Variants in CTSS observed in about 807,000 individuals in gnomAD.
The protein encoded by CTSS is cathepsin S.
CTSS carries 15 observed loss-of-function variants against 39.9 expected under a neutral mutation model. That is an observed-to-expected ratio of 0.38 (90% CI 0.25 to 0.58). The LOEUF (loss-of-function observed/expected upper bound fraction) is 0.58, where lower values mean the gene tolerates loss of function less well. Among genes scored for constraint, CTSS ranks in the 20% least tolerant of loss-of-function variants. CTSS has a pLI of 0.70. For missense variants in CTSS, 250 were observed against 398.2 expected (o/e 0.63, Z 3.17); for synonymous variants, 126 against 138.2 (o/e 0.91, Z 0.62).
chr1:150,759,414 C>T (rs927627319), intron 2 of CTSS, among the ~76,000 whole-genome samples: 5 of 151,988 alleles, frequency 3.3e-5, no homozygotes, highest in African/African-American at 4.8e-5. Flanking sequence ...CTCTTACTTG[C>T]GTTTTCATAT....
chr1:150,745,799 A>G (rs183284584), intron 7 of CTSS, among the ~76,000 whole-genome samples: 1 of 152,310 alleles, frequency 6.6e-6, no homozygotes, highest in African/African-American at 2.4e-5. Flanking sequence ...AACTTTCAGA[A>G]GCTAGGGGAG....
At position 150,758,849 on chromosome 1, in the gene CTSS, AT is replaced by A. The variant is rs35292598; in HGVS notation, c.127-870del. 3.7e-3 allele frequency among the ~76,000 whole-genome samples: 477 copies of A among 127,406 alleles called. 1 individual carries two copies. Among genetic ancestry groups the A allele is most frequent in the African/African-American group, 7.9e-3 (275 of 34,688 alleles). The allele number at this position is 127,406 out of a possible 152,430, so 83.6% of individuals were successfully genotyped here. The stretch of plus-strand genomic sequence containing the variant: ...ATTGGTGTAAGCCACCGCGCCCAGC[AT>A]TTTTTTTTTTTTTTTTTAGACAGGG... On this transcript the variant is annotated intron_variant, in intron 2 of 7. Transcript: ENST00000368985.
intron 2 of CTSS, among the ~76,000 whole-genome samples, chr1:150,758,849 A>ATT (rs35292598): frequency 3.1e-5 from 4 of 127,432 alleles, no homozygotes; most frequent in South Asian, 2.5e-4. Flanking sequence ...CGCGCCCAGC[A>ATT]TTTTTTTTTT....
At chr1:150,736,628 A>G (rs1056755346) in intron 7 of CTSS, among the ~76,000 whole-genome samples, 1 of 152,226 alleles carries the variant, frequency 6.6e-6, no homozygotes, top group Non-Finnish European at 1.5e-5. Flanking sequence ...CAGTGAGACC[A>G]AGGAATCCCA....
intron 7 of CTSS, 76 bp downstream of exon 7, chr1:150,747,701 T>C: frequency 1.1e-6 from 1 of 930,316 alleles, no homozygotes; most frequent in Non-Finnish European, 1.7e-6. Flanking sequence ...ATGATCATCA[T>C]CAAAATCATG....
intron 7 of CTSS, among the ~76,000 whole-genome samples, chr1:150,739,273 C>CA (rs1348389609): frequency 1.3e-5 from 2 of 152,176 alleles, no homozygotes; most frequent in African/African-American, 4.8e-5. Flanking sequence ...TCTCATTTTA[C>CA]ATCAAAGCTA....
At chr1:150,759,162 C>T (rs587729209) in intron 2 of CTSS, among the ~76,000 whole-genome samples, 165 of 151,786 alleles carry the variant, frequency 1.1e-3, no homozygotes, top group African/African-American at 3.7e-3. Flanking sequence ...GAACCATACA[C>T]CCAGCCATGA....
At chr1:150,735,479 C>T (rs796733805) in intron 7 of CTSS, among the ~76,000 whole-genome samples, 2 of 152,290 alleles carry the variant, frequency 1.3e-5, no homozygotes, top group Middle Eastern at 3.4e-3. Flanking sequence ...CTTCCTTTCA[C>T]TTAATTGCCA....
intron 3 of CTSS, among the ~76,000 whole-genome samples, chr1:150,755,465 C>A (rs587751249): frequency 6.6e-6 from 1 of 152,222 alleles, no homozygotes; most frequent in African/African-American, 2.4e-5. Flanking sequence ...GGGAGCTGGG[C>A]ATGGTGGCTC....
At chr1:150,756,708 C>CTTTTTTTTTTTTTTTTTT (rs72242218) in intron 3 of CTSS, among the ~76,000 whole-genome samples, 9 of 131,182 alleles carry the variant, frequency 6.9e-5, no homozygotes, top group South Asian at 2.5e-4. Flanking sequence ...TTCTTTCTTT[C>CTTTTTTTTTTTTTTTTTT]TTTTTTTTTT....
intron 7 of CTSS, 50 bp downstream of exon 7, chr1:150,747,727 A>T: frequency 1.8e-6 from 2 of 1,124,886 alleles, no homozygotes; most frequent in Non-Finnish European, 2.7e-6. Context: ...ATTTGCTGAA[A>T]CTCCCTCAAA....
rs1246774643 is a variant in CTSS at position 150,747,877 on chromosome 1, C to A, written c.796G>T (p.Val266Phe). ...HPSFFLYRSG[V>F]YYEPSCTQNV... Reference sequence around the variant, plus strand: ...TGAGTACAGGATGGTTCATAGTAGACACCTGAGAATCAAATATGGGTGGGA... The same window carrying A: ...TGAGTACAGGATGGTTCATAGTAGAAACCTGAGAATCAAATATGGGTGGGA... The change falls in exon 7 of 8, where the codon GTC (valine) becomes TTC (phenylalanine). Residue 266 changes from valine to phenylalanine, a missense_variant and splice_region_variant. Transcript: ENST00000368985. 6.2e-7 allele frequency: 1 copy of A among 1,601,538 alleles called. No individual in the cohort carries two copies. The highest frequency in any genetic ancestry group is 1.3e-5 in the African/African-American group (1 of 74,602).
intron 7 of CTSS, among the ~76,000 whole-genome samples, chr1:150,740,287 G>T (rs1195453890): frequency 6.6e-6 from 1 of 152,222 alleles, no homozygotes; most frequent in Non-Finnish European, 1.5e-5. Context: ...AATTCTAAGT[G>T]AATGGGGTAT....
intron 3 of CTSS, among the ~76,000 whole-genome samples, chr1:150,755,504 C>T (rs1228195936): frequency 6.6e-6 from 1 of 152,164 alleles, no homozygotes; most frequent in Non-Finnish European, 1.5e-5. Flanking sequence ...CTTTGGGAGG[C>T]CGAGCCGGGC....
At chr1:150,744,719 T>A (rs907516431) in intron 7 of CTSS, among the ~76,000 whole-genome samples, 1 of 145,638 alleles carries the variant, frequency 6.9e-6, no homozygotes, top group Non-Finnish European at 1.5e-5. Flanking sequence ...ATATAATATA[T>A]ATTATATATA....
Position 150,731,633 on chromosome 1 carries a change from T to C in CTSS, c.*1413A>G, listed in dbSNP as rs1296120265. ...TGTCATAGACATGAACTTAAAAAAT[T>C]TAAAGTTCCTGCTGCCTGCTTAGAT... is the stretch of plus-strand genomic sequence containing the variant. On this transcript the variant is annotated 3_prime_UTR_variant, in exon 8 of 8. Transcript: ENST00000368985. The C allele has an allele frequency of 6.6e-6, 1 of 152,142 alleles. No homozygotes were observed. Among genetic ancestry groups the C allele is most frequent in the Admixed American group, 6.6e-5 (1 of 15,256 alleles). 9.4% of individuals were successfully genotyped at this position (152,142 alleles called of 1,614,324 possible).
At chr1:150,752,085 C>T (rs77666974) in intron 4 of CTSS, 77 bp from the exon 5 acceptor site, 12 of 1,421,474 alleles carry the variant, frequency 8.4e-6, no homozygotes, top group African/African-American at 4.2e-5. Flanking sequence ...AACTGGACAA[C>T]GCTCAGCTAC....
intron 7 of CTSS, among the ~76,000 whole-genome samples, chr1:150,737,167 A>G (rs1571091832): frequency 6.6e-6 from 1 of 151,962 alleles, no homozygotes; most frequent in South Asian, 2.1e-4. Context: ...CAATGGCACA[A>G]CCTCGCCTCA....
Position 150,747,816 on chromosome 1 carries a change from C to A in CTSS, c.857G>T (p.Gly286Val). Residue 286 changes from glycine (G) to valine (V), a missense_variant, in exon 7 of 8, where the codon GGT becomes GTT. Transcript: ENST00000368985. ...VNHGVLVVGY[G>V]DLNGKEYWLV... is the part of the protein sequence containing the mutation. ...CCAGTATTCTTTCCCATTAAGATCA[C>A]CATAGCCAACCACAAGTACACCATG... The A allele has an allele frequency of 6.2e-7, 1 of 1,613,704 alleles. No homozygotes were observed. The highest frequency in any genetic ancestry group is 8.5e-7 in the Non-Finnish European group (1 of 1,179,726).
Sources: gnomAD v4.1 joint callset for allele counts (sites outside exome capture counted in the v4.1 genomes callset) on GRCh38, gnomAD v4.1.1 for gene constraint, MANE v1.5 for transcripts, NCBI Gene and HGNC (gene_info 2026-07-23, HGNC 2026-07-21) for gene names.